The following CNR1 variants were observed in gnomAD, a reference collection of about 807,000 sequenced individuals.
CNR1 encodes cannabinoid receptor 1, also known as cannabinoid receptor 1 (brain).
CNR1 carries 10 observed loss-of-function variants against 23.0 expected under a neutral mutation model. The observed-to-expected ratio is 0.43, with a 90% CI of 0.27 to 0.74. The LOEUF is 0.74. Ranked by LOEUF, CNR1 falls within the 30% of genes least tolerant of loss-of-function variation. CNR1 has a pLI of 0.19. For synonymous variants in CNR1, 271 were observed against 255.2 expected, an observed-to-expected ratio of 1.06 and a Z score of -0.59; for missense variants, 422 against 618.8, an observed-to-expected ratio of 0.68 and a Z score of 3.37.
At chr6:88,166,922 T>C (rs1430982411), upstream of CNR1, among the ~76,000 whole-genome samples, 2 of 151,816 alleles carry the variant, frequency 1.3e-5, no homozygotes, top group African/African-American at 4.8e-5. Flanking sequence ...GGGGCCGGGC[T>C]GAGCTTTGGG....
rs999074806 is a variant in CNR1 at position 88,143,455 on chromosome 6, A to G, written c.*401T>C. ...TTTTACAAAATATCTCTAGTACTAT[A>G]ACTTGTAAAAATGGACATCTCTGAT... On this transcript the variant is annotated 3_prime_UTR_variant, in exon 2 of 2. Coordinates refer to ENST00000369501, the MANE Select transcript of CNR1 (RefSeq NM_016083.6). 6 of 186,342 alleles carry G rather than the reference A, an allele frequency of 3.2e-5. No individual in the cohort carries two copies. The highest frequency in any genetic ancestry group is 1.4e-4 in the African/African-American group (6 of 41,840). 11.5% of individuals were successfully genotyped at this position (186,342 alleles called of 1,614,324 possible).
At position 88,143,016 on chromosome 6, in the gene CNR1, G is replaced by A. The variant is rs182265358; in HGVS notation, c.*840C>T. 6.6e-5 allele frequency: 10 copies of A among 152,622 alleles called. No homozygotes were observed. The highest frequency in any genetic ancestry group is 1.9e-4 in the East Asian group (1 of 5,324). The allele number at this position is 152,622 out of a possible 1,614,324, so 9.5% of individuals were successfully genotyped here. A position where few individuals can be genotyped will look rare whatever the true frequency, so the allele number is the denominator to read the frequency against. On this transcript the variant is annotated 3_prime_UTR_variant, in exon 2 of 2. Transcript: ENST00000369501. ...AAGACTAAAGAAAGTCAGAGATGTC[G>A]CTCAAAAAAAGTCAATATGCTTTCT...
intron 1 of CNR1, among the ~76,000 whole-genome samples, chr6:88,151,523 G>A (rs868104901): frequency 2.6e-5 from 4 of 152,162 alleles, no homozygotes; most frequent in South Asian, 2.1e-4. Context: ...TGCCTAAATC[G>A]CAGAACTGAT....
intron 1 of CNR1, among the ~76,000 whole-genome samples, chr6:88,161,444 G>A (rs1222397615): frequency 6.6e-6 from 1 of 152,104 alleles, no homozygotes; most frequent in Non-Finnish European, 1.5e-5. Context: ...TTAAATTAGA[G>A]GCTGTCCATT....
intron 1 of CNR1, among the ~76,000 whole-genome samples, chr6:88,146,121 T>A (rs767291928): frequency 2.6e-5 from 4 of 152,092 alleles, no homozygotes; most frequent in Non-Finnish European, 5.9e-5. Flanking sequence ...CTTTCTTTCT[T>A]TTTGATACAG....
Position 88,143,038 on chromosome 6 carries a change from T to C in CNR1, c.*818A>G, listed in dbSNP as rs1052850478. The C allele has an allele frequency of 2.0e-5, 3 of 152,572 alleles. No homozygotes were observed. The highest frequency in any genetic ancestry group is 7.2e-5 in the African/African-American group (3 of 41,450). 9.5% of individuals were successfully genotyped at this position (152,572 alleles called of 1,614,324 possible). Reference sequence around the variant, plus strand: ...GTCGCTCAAAAAAAGTCAATATGCTTTCTCTCTTCCATTCTGATTATAATC... The same window carrying C: ...GTCGCTCAAAAAAAGTCAATATGCTCTCTCTCTTCCATTCTGATTATAATC... On this transcript the variant is annotated 3_prime_UTR_variant, in exon 2 of 2. Transcript: ENST00000369501.
chr6:88,146,612 C>T (rs806370), intron 1 of CNR1, among the ~76,000 whole-genome samples: 21,646 of 152,238 alleles, frequency 0.14, 2,160 homozygotes, highest in East Asian at 0.51. Context: ...TCAAAATAAA[C>T]AGCCAGAGAA....
At chr6:88,159,452 T>C (rs748289672) in intron 1 of CNR1, among the ~76,000 whole-genome samples, 23 of 152,240 alleles carry the variant, frequency 1.5e-4, no homozygotes, top group African/African-American at 4.1e-4. Flanking sequence ...TTTAGAAATA[T>C]ATCCCAAGGC....
At chr6:88,150,118 C>T (rs1381728641) in intron 1 of CNR1, among the ~76,000 whole-genome samples, 4 of 152,178 alleles carry the variant, frequency 2.6e-5, no homozygotes, top group East Asian at 1.9e-4. Flanking sequence ...GAGTTTGAGC[C>T]TCCATCTCCA....
chr6:88,157,431 C>T (rs1296930897), intron 1 of CNR1, among the ~76,000 whole-genome samples: 2 of 152,054 alleles, frequency 1.3e-5, no homozygotes, highest in Non-Finnish European at 2.9e-5. Context: ...TATTTTACAA[C>T]TGAATTAATT....
intron 1 of CNR1, among the ~76,000 whole-genome samples, chr6:88,163,703 C>A (rs1036468035): frequency 6.6e-6 from 1 of 152,216 alleles, no homozygotes; most frequent in African/African-American, 2.4e-5. Context: ...AAAGAGTTTT[C>A]TTTTGGAAGA....
At chr6:88,158,872 A>C (rs1182558562) in intron 1 of CNR1, among the ~76,000 whole-genome samples, 1 of 152,210 alleles carries the variant, frequency 6.6e-6, no homozygotes, top group Non-Finnish European at 1.5e-5. Flanking sequence ...AGGTATTCCT[A>C]TTTGGAATAG....
rs1465702296 is a variant in CNR1 at position 88,140,764 on chromosome 6, A to T, written c.*3092T>A. Reference sequence around the variant, plus strand: ...CTGCAGAGTGGATTTAGGCAGCAAAAGGTCCTTGGCATTTAATACCAGATA... The same window carrying T: ...CTGCAGAGTGGATTTAGGCAGCAAATGGTCCTTGGCATTTAATACCAGATA... On this transcript the variant is annotated 3_prime_UTR_variant, in exon 2 of 2. Coordinates refer to ENST00000369501, the MANE Select transcript of CNR1 (RefSeq NM_016083.6). 6.6e-6 allele frequency: 1 copy of T among 152,326 alleles called. No homozygotes were observed. Among genetic ancestry groups the T allele is most frequent in the East Asian group, 1.9e-4 (1 of 5,340 alleles). 9.4% of individuals were successfully genotyped at this position (152,326 alleles called of 1,614,324 possible).
At position 88,146,266 on chromosome 6, in the gene CNR1, C is replaced by T. The variant is rs376912946; in HGVS notation, c.-63-929G>A. Among the ~76,000 whole-genome samples the T allele has an allele frequency of 7.9e-5, 12 of 152,118 alleles. No individual in the cohort carries two copies. The East Asian group carries it at 1.7e-3, about 22-fold the overall frequency. On this transcript the variant is annotated intron_variant, in intron 1 of 1. Coordinates refer to ENST00000369501, the MANE Select transcript of CNR1 (RefSeq NM_016083.6). ...GACTACAGGTGCGCACCACCATGCCCGGCTAATTTTTGTATTTTTAGTAGA... is the reference window on the plus strand; with the variant it reads ...GACTACAGGTGCGCACCACCATGCCTGGCTAATTTTTGTATTTTTAGTAGA...
At chr6:88,165,173 C>T (rs1379655602) in intron 1 of CNR1, among the ~76,000 whole-genome samples, 1 of 152,160 alleles carries the variant, frequency 6.6e-6, no homozygotes, top group Non-Finnish European at 1.5e-5. Context: ...TTACAGCAAA[C>T]ATATTTTTAT....
At chr6:88,159,954 A>G (rs1778001486) in intron 1 of CNR1, among the ~76,000 whole-genome samples, 1 of 152,238 alleles carries the variant, frequency 6.6e-6, no homozygotes, top group Non-Finnish European at 1.5e-5. Flanking sequence ...AGCAAACACA[A>G]GTGACAAAGG....
At chr6:88,147,270 C>T (rs1254206018) in intron 1 of CNR1, among the ~76,000 whole-genome samples, 1 of 152,194 alleles carries the variant, frequency 6.6e-6, no homozygotes, top group Non-Finnish European at 1.5e-5. Flanking sequence ...CGAGATTATG[C>T]CACTGCACTC....
chr6:88,154,975 A>ATTATCT (rs1777720675), intron 1 of CNR1, among the ~76,000 whole-genome samples: 1 of 152,234 alleles, frequency 6.6e-6, no homozygotes, highest in Non-Finnish European at 1.5e-5. Flanking sequence ...ACTCTATAAA[A>ATTATCT]TTATCTTTAT....
chr6:88,150,156 T>C (rs1777440681), intron 1 of CNR1, among the ~76,000 whole-genome samples: 1 of 152,234 alleles, frequency 6.6e-6, no homozygotes, highest in African/African-American at 2.4e-5. Flanking sequence ...ATTCCAGTCA[T>C]CTTCCCATTC....
Sources: allele counts gnomAD v4.1 joint callset (sites outside exome capture counted in the v4.1 genomes callset), GRCh38; gene constraint gnomAD v4.1.1; transcripts MANE v1.5; gene names NCBI Gene and HGNC (gene_info 2026-07-23, HGNC 2026-07-21).